The following CNTNAP2 variants were observed in gnomAD, a reference collection of about 807,000 sequenced individuals.
The protein encoded by CNTNAP2 is contactin-associated protein-like 2.
CNTNAP2 carries 98 observed loss-of-function variants against 155.2 expected under a neutral mutation model. The observed-to-expected ratio is 0.63, with a 90% CI of 0.54 to 0.75. CNTNAP2 has a LOEUF of 0.75. CNTNAP2 is among the 30% of genes least tolerant of loss of function. The pLI is 0.00. For missense variants in CNTNAP2, 1,727 were observed against 1,688.1 expected (o/e 1.02, Z -0.40); for synonymous variants, 651 against 631.2 (o/e 1.03, Z -0.47).
intron 3 of CNTNAP2, among the ~76,000 whole-genome samples, chr7:147,030,245 G>C (rs990463894): frequency 1.3e-5 from 2 of 152,122 alleles, no homozygotes; most frequent in African/African-American, 4.8e-5. Flanking sequence ...ATTTGTTGCT[G>C]TTTTTATATG....
intron 13 of CNTNAP2, among the ~76,000 whole-genome samples, chr7:147,805,959 AG>A (rs1798083181): frequency 6.6e-6 from 1 of 152,222 alleles, no homozygotes; most frequent in South Asian, 2.1e-4. Context: ...TTCTTGAGTA[AG>A]ACCTTAAAAG....
intron 1 of CNTNAP2, among the ~76,000 whole-genome samples, chr7:146,522,280 G>A (rs1797627206): frequency 1.3e-5 from 2 of 151,942 alleles, no homozygotes; most frequent in African/African-American, 4.8e-5. Flanking sequence ...AGCACCCGTC[G>A]TTCATAAAAC....
At chr7:147,528,607 C>A (rs1273731546) in intron 11 of CNTNAP2, among the ~76,000 whole-genome samples, 1 of 152,132 alleles carries the variant, frequency 6.6e-6, no homozygotes, top group African/African-American at 2.4e-5. Flanking sequence ...TCTTGTACAT[C>A]TTACATGTTC....
At chr7:147,241,576 C>T (rs778731283) in intron 8 of CNTNAP2, among the ~76,000 whole-genome samples, 4 of 148,058 alleles carry the variant, frequency 2.7e-5, no homozygotes, top group South Asian at 2.1e-4. Flanking sequence ...TGAAGTGAGC[C>T]GAGATCGTGC....
intron 13 of CNTNAP2, among the ~76,000 whole-genome samples, chr7:147,727,794 C>T (rs1459232498): frequency 6.6e-6 from 1 of 150,846 alleles, no homozygotes; most frequent in African/African-American, 2.4e-5. Context: ...TTTTCTTCCC[C>T]TACCAAATAA....
At chr7:147,478,270 AC>A (rs1033117122) in intron 10 of CNTNAP2, among the ~76,000 whole-genome samples, 67 of 151,368 alleles carry the variant, frequency 4.4e-4, no homozygotes, top group Non-Finnish European at 1.8e-4. Flanking sequence ...CTCCTGCCTC[AC>A]CCTCCCAAGT....
At chr7:146,188,237 C>G (rs1398486750) in intron 1 of CNTNAP2, among the ~76,000 whole-genome samples, 10 of 152,134 alleles carry the variant, frequency 6.6e-5, no homozygotes, top group Non-Finnish European at 1.2e-4. Context: ...GAATTCAGCC[C>G]ATTCTTCTTG....
At chr7:147,460,547 T>TC (rs199905514) in intron 10 of CNTNAP2, among the ~76,000 whole-genome samples, 1,878 of 152,282 alleles carry the variant, frequency 0.012, 22 homozygotes, top group Admixed American at 0.016. Context: ...GGTTTAGACT[T>TC]CCCCCTCAGC....
chr7:146,377,525 G>A (rs952266939), intron 1 of CNTNAP2, among the ~76,000 whole-genome samples: 2 of 152,014 alleles, frequency 1.3e-5, no homozygotes, highest in African/African-American at 4.8e-5. Flanking sequence ...CTGCATGCTT[G>A]GCAGTTCTAC....
chr7:146,587,490 C>A (rs556286491), intron 1 of CNTNAP2, among the ~76,000 whole-genome samples: 1 of 151,912 alleles, frequency 6.6e-6, no homozygotes, highest in Non-Finnish European at 1.5e-5. Context: ...TTCCAAACAC[C>A]GAAGTATCTC....
intron 3 of CNTNAP2, among the ~76,000 whole-genome samples, chr7:146,929,818 C>A (rs555172129): frequency 2.2e-4 from 33 of 152,160 alleles, no homozygotes; most frequent in African/African-American, 7.7e-4. Context: ...CCAATGCGAT[C>A]AACCGGAAGA....
intron 15 of CNTNAP2, among the ~76,000 whole-genome samples, chr7:147,995,679 A>C (rs112468171): frequency 1.3e-5 from 2 of 151,898 alleles, no homozygotes; most frequent in South Asian, 2.1e-4. Context: ...ATGCCCAGCT[A>C]ATTTTTTGTA....
chr7:146,552,628 C>T (rs802019), intron 1 of CNTNAP2, among the ~76,000 whole-genome samples: 122,771 of 151,954 alleles, frequency 0.81, 50,111 homozygotes, highest in South Asian at 0.89. Context: ...CTTTCCTCCC[C>T]CTAACGACTT....
intron 1 of CNTNAP2, among the ~76,000 whole-genome samples, chr7:146,319,341 A>G (rs1354185035): frequency 6.6e-6 from 1 of 152,196 alleles, no homozygotes; most frequent in African/African-American, 2.4e-5. Flanking sequence ...ACACATTGAT[A>G]AAGGGATTTC....
chr7:147,262,797 G>A (rs1012014897), intron 8 of CNTNAP2, among the ~76,000 whole-genome samples: 6 of 152,034 alleles, frequency 3.9e-5, no homozygotes, highest in Non-Finnish European at 8.8e-5. Context: ...CAGACAGAGC[G>A]AGACTCCGTC....
At chr7:147,455,442 G>C (rs1001430621) in intron 10 of CNTNAP2, among the ~76,000 whole-genome samples, 4 of 152,096 alleles carry the variant, frequency 2.6e-5, no homozygotes, top group Non-Finnish European at 5.9e-5. Context: ...AGAATTTACT[G>C]TTTTCAGATC....
intron 13 of CNTNAP2, among the ~76,000 whole-genome samples, chr7:147,644,833 C>A (rs1032509168): frequency 6.6e-6 from 1 of 152,142 alleles, no homozygotes; most frequent in Admixed American, 6.5e-5. Flanking sequence ...ATTTATTTTA[C>A]AAATCATATT....
At chr7:146,137,012 C>G (rs1232055904) in intron 1 of CNTNAP2, among the ~76,000 whole-genome samples, 1 of 152,062 alleles carries the variant, frequency 6.6e-6, no homozygotes, top group East Asian at 1.9e-4. Context: ...ACAAGAAAAA[C>G]GAACTGTTAA....
intron 1 of CNTNAP2, among the ~76,000 whole-genome samples, chr7:146,573,659 C>T (rs940637719): frequency 6.6e-6 from 1 of 152,138 alleles, no homozygotes; most frequent in Admixed American, 6.5e-5. Flanking sequence ...GATTTAGCGG[C>T]AGTGCACACA....
Sources: gnomAD v4.1 joint callset for allele counts (sites outside exome capture counted in the v4.1 genomes callset) on GRCh38, gnomAD v4.1.1 for gene constraint, MANE v1.5 for transcripts, NCBI Gene and HGNC (gene_info 2026-07-23, HGNC 2026-07-21) for gene names.